ST3GAL1: variants seen among roughly 807,000 people sequenced by gnomAD.
ST3GAL1 encodes the protein CMP-N-acetylneuraminate-beta-galactosamide-alpha-2,3-sialyltransferase 1.
Under a neutral mutation model 34.1 loss-of-function variants are expected in ST3GAL1, and 16 were observed. The observed-to-expected ratio is 0.47, with a 90% CI of 0.32 to 0.71. The LOEUF is 0.71. ST3GAL1 is among the 30% of genes least tolerant of loss of function. The pLI is 0.04. For missense variants in ST3GAL1, 353 were observed against 447.4 expected (o/e 0.79, Z 1.90); for synonymous variants, 191 against 184.7 (o/e 1.03, Z -0.28).
At chr8:133,479,395 G>A (rs1586600185) in intron 3 of ST3GAL1, among the ~76,000 whole-genome samples, 1 of 152,270 alleles carries the variant, frequency 6.6e-6, no homozygotes, top group Middle Eastern at 3.4e-3. Flanking sequence ...GGCCAGAGAA[G>A]CCACAGTCAA....
intron 3 of ST3GAL1, among the ~76,000 whole-genome samples, chr8:133,491,556 C>T (rs940713488): frequency 1.2e-5 from 1 of 81,916 alleles, no homozygotes; most frequent in African/African-American, 3.5e-5. Context: ...TTAAAGAGGC[C>T]CCTTTCTCCC....
intron 2 of ST3GAL1, among the ~76,000 whole-genome samples, chr8:133,544,948 A>T (rs1361777940): frequency 2.0e-5 from 3 of 152,212 alleles, no homozygotes; most frequent in Non-Finnish European, 4.4e-5. Flanking sequence ...AAGCTGGGTT[A>T]GAGACCAGCA....
At chr8:133,543,981 T>C (rs1183951286) in intron 2 of ST3GAL1, 1 of 152,234 alleles carries the variant, frequency 6.6e-6, no homozygotes, top group Non-Finnish European at 1.5e-5. Flanking sequence ...AATGGTGAGG[T>C]GCTTGAAGAC....
intron 2 of ST3GAL1, among the ~76,000 whole-genome samples, chr8:133,518,513 C>A (rs547416820): frequency 1.4e-4 from 22 of 152,276 alleles, no homozygotes; most frequent in African/African-American, 4.1e-4. Context: ...CTAGAGCAAC[C>A]CTTCATTTGA....
Position 133,465,953 on chromosome 8 carries a change from C to A in ST3GAL1, c.444G>T (p.Ser148=). 1 of 1,614,200 alleles carries A rather than the reference C, an allele frequency of 6.2e-7. No individual in the cohort carries two copies. Among genetic ancestry groups the A allele is most frequent in the African/African-American group, 1.3e-5 (1 of 75,064 alleles). The change falls in exon 6 of 10, where the codon TCG becomes TCT. Residue 148 remains serine (S), a synonymous_variant. Transcript: ENST00000522652. ...CATAAGAAGACTCCCTCAGGTTGCC[C>A]GAGTTGCCCACAACGGCGCAGCGCC... ...GCRRCAVVGN[S]GNLRESSYGP...
At chr8:133,540,826 CA>C (rs1818458761) in intron 2 of ST3GAL1, among the ~76,000 whole-genome samples, 1 of 82,098 alleles carries the variant, frequency 1.2e-5, no homozygotes, top group Non-Finnish European at 2.8e-5. Flanking sequence ...TATATATAGA[CA>C]TATATATAGA....
chr8:133,517,351 A>T (rs1051637783), intron 2 of ST3GAL1, among the ~76,000 whole-genome samples: 30 of 151,850 alleles, frequency 2.0e-4, no homozygotes, highest in Non-Finnish European at 1.5e-5. Context: ...TTATTTTTTT[A>T]TTTTATTATT....
intron 2 of ST3GAL1, among the ~76,000 whole-genome samples, chr8:133,541,120 T>TATATATATATATAGAGAGAGAGAGAGAG (rs71299078): frequency 2.1e-5 from 1 of 48,628 alleles, no homozygotes; most frequent in African/African-American, 9.9e-5. Flanking sequence ...TATATATATA[T>TATATATATATATAGAGAGAGAGAGAGAG]AGAGAGAGAG....
At position 133,514,775 on chromosome 8, in the gene ST3GAL1, T is replaced by C. The variant is rs1369525847; in HGVS notation, c.-428-15586A>G. ...GGAGGGTCAGGGTTCAGACATCACA[T>C]GGGTCTGCCCGCTAAGACCCTCGAG... On this transcript the variant is annotated intron_variant, in intron 2 of 9. Transcript: ENST00000522652. 3.3e-5 allele frequency among the ~76,000 whole-genome samples: 5 copies of C among 152,126 alleles called. No individual in the cohort carries two copies. The East Asian group carries it at 7.7e-4, about 23-fold the overall frequency.
chr8:133,492,775 T>C lies in ST3GAL1; in HGVS notation c.-374+6360A>G, dbSNP rs574556311. ...CAGCCCGGCTCCAGAGGCCCAGCTC[T>C]TCATGCTAAGAATCTACCTTTCGGC... On this transcript the variant is annotated intron_variant, in intron 3 of 9. Transcript: ENST00000522652. Among the ~76,000 whole-genome samples the C allele has an allele frequency of 1.4e-4, 22 of 152,304 alleles. No homozygotes were observed. In the Middle Eastern group the frequency reaches 0.017, roughly 118 times the overall value.
rs968272645 is a variant in ST3GAL1 at position 133,475,735 on chromosome 8, G to A, written c.290C>T (p.Thr97Ile). The A allele has an allele frequency of 1.9e-6, 3 of 1,601,136 alleles. No homozygotes were observed. Among genetic ancestry groups the A allele is most frequent in the African/African-American group, 2.7e-5 (2 of 74,716 alleles). The change falls in exon 5 of 10, where the codon ACC (threonine) becomes ATC (isoleucine). Residue 97 changes from threonine to isoleucine, a missense_variant. Thr to Ile is a moderately conservative substitution (Grantham distance 89). Transcript: ENST00000522652. ...GCATCTCACCAGCCACCATCGGTAGGTGTCGTCCTCCAAGAGCGCGTTCTG... is the reference window on the plus strand; with the variant it reads ...GCATCTCACCAGCCACCATCGGTAGATGTCGTCCTCCAAGAGCGCGTTCTG... ...TAQNALLEDD[T>I]YRWWLRLQRE...
intron 3 of ST3GAL1, among the ~76,000 whole-genome samples, chr8:133,496,392 G>A (rs116079583): frequency 0.014 from 2,179 of 152,264 alleles, 58 homozygotes; most frequent in African/African-American, 0.05. Context: ...GGATCACCAA[G>A]GTACTGCCCT....
At chr8:133,564,790 G>A (rs773643853) in intron 1 of ST3GAL1, among the ~76,000 whole-genome samples, 13 of 152,198 alleles carry the variant, frequency 8.5e-5, no homozygotes, top group Non-Finnish European at 1.5e-4. Context: ...ACTGTACAAA[G>A]TGTGCCTTCA....
At chr8:133,500,196 G>A (rs1456977349) in intron 2 of ST3GAL1, among the ~76,000 whole-genome samples, 1 of 152,168 alleles carries the variant, frequency 6.6e-6, no homozygotes, top group Non-Finnish European at 1.5e-5. Context: ...ACCAGGGACA[G>A]GGATAAAAAG....
chr8:133,464,988 G>A lies in ST3GAL1; in HGVS notation c.504-31C>T, dbSNP rs1332585989. 4 of 1,592,686 alleles carry A rather than the reference G, an allele frequency of 2.5e-6. No individual in the cohort carries two copies. In the African/African-American group the frequency reaches 4.0e-5, roughly 16 times the overall value. On this transcript the variant is annotated intron_variant, in intron 6 of 9. Transcript: ENST00000522652. ...AGAGAAGGGGAGAAAGCTGAGTCTT[G>A]TAGCACGGGCACCCGTTCTCAGACA...
In ST3GAL1 at chr8:133,464,969, G is replaced by A; in HGVS notation, c.504-12C>T. On this transcript the variant is annotated splice_polypyrimidine_tract_variant and intron_variant, in intron 6 of 9. Transcript: ENST00000522652. ...GCGCCTTGTTCATCCTGGGAGAGAA[G>A]GGGAGAAAGCTGAGTCTTGTAGCAC... 6.2e-7 allele frequency: 1 copy of A among 1,610,120 alleles called. No individual in the cohort carries two copies. Among genetic ancestry groups the A allele is most frequent in the South Asian group, 1.1e-5 (1 of 90,700 alleles).
chr8:133,543,622 C>T (rs905793836), intron 2 of ST3GAL1, among the ~76,000 whole-genome samples: 5 of 151,768 alleles, frequency 3.3e-5, no homozygotes, highest in South Asian at 4.2e-4. Flanking sequence ...AAAATGGAAA[C>T]GAATGCTCTG....
chr8:133,536,366 C>T (rs568317164), intron 2 of ST3GAL1, among the ~76,000 whole-genome samples: 1 of 152,182 alleles, frequency 6.6e-6, no homozygotes, highest in Non-Finnish European at 1.5e-5. Flanking sequence ...TCTGTAAATG[C>T]CCAAATGCTT....
At chr8:133,529,708 C>T (rs1009750256) in intron 2 of ST3GAL1, among the ~76,000 whole-genome samples, 6 of 152,132 alleles carry the variant, frequency 3.9e-5, no homozygotes, top group African/African-American at 7.2e-5. Context: ...CTGGCCACCC[C>T]CTTCTCATCT....
Sources: allele counts gnomAD v4.1 joint callset (sites outside exome capture counted in the v4.1 genomes callset), GRCh38; gene constraint gnomAD v4.1.1; transcripts MANE v1.5; gene names NCBI Gene and HGNC (gene_info 2026-07-23, HGNC 2026-07-21).